The following TRIM9 variants were observed in gnomAD, a reference collection of about 807,000 sequenced individuals.
The protein encoded by TRIM9 is tripartite motif containing 9.
TRIM9 carries 26 observed loss-of-function variants against 78.3 expected under a neutral mutation model. The observed-to-expected ratio is 0.33, with a 90% CI of 0.24 to 0.46. The LOEUF (loss-of-function observed/expected upper bound fraction) is 0.46. TRIM9 is among the 20% of genes least tolerant of loss of function. The pLI, the probability that TRIM9 is intolerant of heterozygous loss-of-function variation, is 1.00. For missense variants in TRIM9, 787 were observed against 1,036.4 expected (o/e 0.76, Z 3.30); for synonymous variants, 398 against 416.5 (o/e 0.96, Z 0.54).
chr14:51,028,255 A>G (rs2058432448), intron 1 of TRIM9, among the ~76,000 whole-genome samples: 1 of 151,950 alleles, frequency 6.6e-6, no homozygotes, highest in African/African-American at 2.4e-5. Context: ...TATTTGATAA[A>G]AAATTGCATT....
chr14:50,977,402 C>G (rs767561635), intron 12 of TRIM9, 49 bp from the exon 13 acceptor site: 1 of 1,396,974 alleles, frequency 7.2e-7, no homozygotes, highest in Non-Finnish European at 9.5e-7. Context: ...ATCCCCCTGT[C>G]CCTTTACACA....
At chr14:51,021,773 C>CATCTTGTT (rs1566586782) in intron 3 of TRIM9, among the ~76,000 whole-genome samples, 1 of 152,208 alleles carries the variant, frequency 6.6e-6, no homozygotes, top group Non-Finnish European at 1.5e-5. Context: ...CTTCCTCTCA[C>CATCTTGTT]ATCTTGTTGC....
At chr14:51,086,076 A>G (rs72687173) in intron 1 of TRIM9, among the ~76,000 whole-genome samples, 53,655 of 152,048 alleles carry the variant, frequency 0.35, 9,808 homozygotes, top group Admixed American at 0.42. Flanking sequence ...AAATGACTCA[A>G]TTTCTCAGTA....
At chr14:50,993,072 A>G (rs1469410462) in intron 7 of TRIM9, among the ~76,000 whole-genome samples, 1 of 152,090 alleles carries the variant, frequency 6.6e-6, no homozygotes, top group African/African-American at 2.4e-5. Flanking sequence ...TGAGTGCCAG[A>G]CCTCATTTGG....
Position 51,087,024 on chromosome 14 carries a change from G to A in TRIM9, c.822+7094C>T, listed in dbSNP as rs190647617. On this transcript the variant is annotated intron_variant, in intron 1 of 12. Coordinates refer to ENST00000684578, the MANE Select transcript of TRIM9 (RefSeq NM_001387360.1). ...CAATTAAACACAGCTGGGGTGGGGG[G>A]AGGTGGCGGGCACTGCTGGTGCAGG... 2.1e-3 allele frequency among the ~76,000 whole-genome samples: 316 copies of A among 152,212 alleles called. 1 individual carries two copies. Among genetic ancestry groups the A allele is most frequent in the African/African-American group, 5.1e-3 (213 of 41,530 alleles).
chr14:50,984,273 G>C (rs1272932877), intron 8 of TRIM9, among the ~76,000 whole-genome samples: 3 of 152,096 alleles, frequency 2.0e-5, no homozygotes, highest in Admixed American at 6.6e-5. Flanking sequence ...ATTTAGTAAG[G>C]CCTTTATATG....
intron 3 of TRIM9, among the ~76,000 whole-genome samples, chr14:51,012,367 A>G (rs1467488224): frequency 6.6e-6 from 1 of 152,248 alleles, no homozygotes; most frequent in Non-Finnish European, 1.5e-5. Flanking sequence ...CACTTAGCAT[A>G]ATGTCTTTGA....
chr14:51,056,738 A>G (rs994525824), intron 1 of TRIM9, among the ~76,000 whole-genome samples: 2 of 152,238 alleles, frequency 1.3e-5, no homozygotes, highest in African/African-American at 4.8e-5. Context: ...CATAATTGCA[A>G]CTGGCCCAAT....
intron 1 of TRIM9, 81 bp from the exon 2 acceptor site, chr14:51,025,441 T>A: frequency 8.1e-7 from 1 of 1,237,460 alleles, no homozygotes; most frequent in Non-Finnish European, 1.2e-6. Flanking sequence ...AACTGAAGAG[T>A]CATCAACCTC....
chr14:51,082,925 G>C (rs1253665939), intron 1 of TRIM9, among the ~76,000 whole-genome samples: 1 of 152,190 alleles, frequency 6.6e-6, no homozygotes, highest in African/African-American at 2.4e-5. Context: ...GGCTCTTTAA[G>C]GGGAAAGCTT....
chr14:51,019,531 A>C (rs1405728402), intron 3 of TRIM9, among the ~76,000 whole-genome samples: 1 of 152,160 alleles, frequency 6.6e-6, no homozygotes, highest in African/African-American at 2.4e-5. Flanking sequence ...TCATGCCACT[A>C]AAGAATCTCC....
At chr14:51,006,018 C>G (rs912505563) in intron 5 of TRIM9, among the ~76,000 whole-genome samples, 3 of 152,128 alleles carry the variant, frequency 2.0e-5, no homozygotes, top group African/African-American at 7.2e-5. Flanking sequence ...TTATCAACAA[C>G]AACAACAAAA....
chr14:50,994,071 G>T (rs564971049), intron 7 of TRIM9, among the ~76,000 whole-genome samples: 1 of 152,214 alleles, frequency 6.6e-6, no homozygotes, highest in East Asian at 1.9e-4. Flanking sequence ...GATTATACTG[G>T]ATTATCCAGG....
chr14:51,047,681 C>T (rs750644328), intron 1 of TRIM9, among the ~76,000 whole-genome samples: 25 of 152,058 alleles, frequency 1.6e-4, no homozygotes, highest in Non-Finnish European at 2.6e-4. Context: ...AGGAAAGAAA[C>T]GCATATAACA....
chr14:50,994,041 T>G (rs12586732), intron 7 of TRIM9, among the ~76,000 whole-genome samples: 46,820 of 152,070 alleles, frequency 0.31, 8,522 homozygotes, highest in South Asian at 0.55. Context: ...GTGATTACAT[T>G]AAGGATCTTG....
chr14:51,045,358 C>G (rs139002960), intron 1 of TRIM9, among the ~76,000 whole-genome samples: 5 of 152,320 alleles, frequency 3.3e-5, no homozygotes, highest in African/African-American at 1.2e-4. Context: ...AACAATCTTT[C>G]TTATGACAAG....
At chr14:50,992,193 A>C (rs2053599919) in intron 7 of TRIM9, among the ~76,000 whole-genome samples, 1 of 152,230 alleles carries the variant, frequency 6.6e-6, no homozygotes, top group Non-Finnish European at 1.5e-5. Flanking sequence ...TTCTTCTGAC[A>C]GGTTCTTTGT....
In TRIM9 at chr14:50,986,314, T is replaced by C. The variant is rs557418491; in HGVS notation, c.1604-170A>G. On this transcript the variant is annotated intron_variant, in intron 7 of 12. Coordinates refer to ENST00000684578, the MANE Select transcript of TRIM9 (RefSeq NM_001387360.1). ...AATGTGCCTGGGGGCAGGGAGGGAA[T>C]TTTCGGCAGATCAGGACCCAAGACC... The C allele has an allele frequency of 1.4e-4, 70 of 485,076 alleles. No homozygotes were observed. The South Asian group carries it at 6.8e-3, about 47-fold the overall frequency. 30.0% of individuals were successfully genotyped at this position (485,076 alleles called of 1,614,324 possible). A position where few individuals can be genotyped will look rare whatever the true frequency, so the allele number is the denominator to read the frequency against.
intron 1 of TRIM9, among the ~76,000 whole-genome samples, chr14:51,069,533 G>A (rs924806782): frequency 1.3e-5 from 2 of 152,242 alleles, no homozygotes; most frequent in African/African-American, 4.8e-5. Context: ...GCTCTAGGCT[G>A]CACTGAGAAA....
Sources: allele counts gnomAD v4.1 joint callset (sites outside exome capture counted in the v4.1 genomes callset), GRCh38; gene constraint gnomAD v4.1.1; transcripts MANE v1.5; gene names NCBI Gene and HGNC (gene_info 2026-07-23, HGNC 2026-07-21).